Variants in DOCK1 observed in about 807,000 individuals in gnomAD.
The protein encoded by DOCK1 is dedicator of cytokinesis protein 1.
Under a neutral mutation model 262.7 loss-of-function variants are expected in DOCK1, and 138 were observed. That is an observed-to-expected ratio of 0.53 (90% CI 0.46 to 0.61). The LOEUF (loss-of-function observed/expected upper bound fraction) is 0.61. Among genes scored for constraint, DOCK1 ranks in the 20% least tolerant of loss-of-function variants. DOCK1 has a pLI of 0.00. For missense variants in DOCK1, 1,908 were observed against 2,370.7 expected (o/e 0.80, Z 4.05); for synonymous variants, 866 against 867.4 (o/e 1.00, Z 0.03).
At chr10:127,024,982 C>T (rs2042725015) in intron 15 of DOCK1, 199 bp downstream of exon 15, 7 of 455,106 alleles carry the variant, frequency 1.5e-5, no homozygotes, top group East Asian at 1.3e-4. Flanking sequence ...TCCTTTTGGA[C>T]GTAAAAATAG....
chr10:127,394,089 A>T (rs1403456613), intron 38 of DOCK1, among the ~76,000 whole-genome samples: 1 of 152,174 alleles, frequency 6.6e-6, no homozygotes, highest in Non-Finnish European at 1.5e-5. Context: ...ACTGAAAATT[A>T]CCAGGCTTCT....
intron 1 of DOCK1, among the ~76,000 whole-genome samples, chr10:126,965,941 A>G (rs1323876236): frequency 6.6e-6 from 1 of 152,166 alleles, no homozygotes; most frequent in Non-Finnish European, 1.5e-5. Flanking sequence ...CATCCTAAGG[A>G]GCTATAGATC....
chr10:127,281,018 T>C (rs2060943436), intron 29 of DOCK1, among the ~76,000 whole-genome samples: 1 of 152,228 alleles, frequency 6.6e-6, no homozygotes, highest in African/African-American at 2.4e-5. Context: ...ATTTAATATA[T>C]TTCCATTTAG....
intron 27 of DOCK1, among the ~76,000 whole-genome samples, chr10:127,198,440 T>C (rs1378551926): frequency 6.6e-6 from 1 of 152,228 alleles, no homozygotes; most frequent in African/African-American, 2.4e-5. Context: ...GGCTGAAGTT[T>C]TCCGGGACCA....
At chr10:127,181,867 T>A (rs917400466) in intron 27 of DOCK1, among the ~76,000 whole-genome samples, 5 of 152,244 alleles carry the variant, frequency 3.3e-5, no homozygotes, top group African/African-American at 1.2e-4. Context: ...CTGGAAGTCC[T>A]CTTTTCCTTG....
At chr10:126,911,852 T>G (rs910514865) in intron 1 of DOCK1, among the ~76,000 whole-genome samples, 6 of 152,228 alleles carry the variant, frequency 3.9e-5, no homozygotes, top group African/African-American at 1.4e-4. Flanking sequence ...TTCCTCAATT[T>G]GCTTTTATTG....
Position 126,951,913 on chromosome 10 carries a change from G to A in DOCK1, c.47-18789G>A, listed in dbSNP as rs955070206. Among the ~76,000 whole-genome samples, 485 of 149,488 alleles carry A rather than the reference G, an allele frequency of 3.2e-3. 7 individuals carry two copies. Among genetic ancestry groups the A allele is most frequent in the African/African-American group, 0.011 (453 of 40,538 alleles). On this transcript the variant is annotated intron_variant, in intron 1 of 51. Transcript: ENST00000623213. ...CACCCAGGCTGGAGTGCAGTGGTGC[G>A]ATCTCGGCTCACTGCAACCTCCGCC...
In DOCK1 at chr10:127,032,220, G is replaced by A. The variant is rs1243338287; in HGVS notation, c.1812G>A (p.Ser604=). The change falls in exon 18 of 52, where the codon TCG becomes TCA. Residue 604 remains serine (S), a synonymous_variant. Coordinates refer to ENST00000623213, the MANE Select transcript of DOCK1 (RefSeq NM_001290223.2). ...TKAELEEKGH[S]ATGKSMQSLG... is the part of the protein sequence containing the mutation. ...CAGAGTTGGAAGAAAAGGGCCACTC[G>A]GCCACCGGCAAGAGCATGCAGAGCC... 7.5e-6 allele frequency: 12 copies of A among 1,601,080 alleles called. No homozygotes were observed. The highest frequency in any genetic ancestry group is 6.9e-5 in the Admixed American group (4 of 58,178).
chr10:127,091,960 T>TA (rs1423023621), intron 23 of DOCK1, among the ~76,000 whole-genome samples: 1 of 152,162 alleles, frequency 6.6e-6, no homozygotes, highest in East Asian at 1.9e-4. Context: ...AATTTCAGGA[T>TA]AAAAAGAGCA....
chr10:127,042,674 CAG>C lies in DOCK1; in HGVS notation c.2065_2066del (p.Ser689Ter), dbSNP rs750562477. The C allele has an allele frequency of 6.2e-7, 1 of 1,614,152 alleles. No homozygotes were observed. The highest frequency in any genetic ancestry group is 8.5e-7 in the Non-Finnish European group (1 of 1,180,020). ...CTCTTCAACATCATGATGGAGAACT[CAG>C]AGAGTGAGACTTTTGACACGTTAGT... On this transcript the variant is annotated frameshift_variant, in exon 20 of 52. Coordinates refer to ENST00000623213, the MANE Select transcript of DOCK1 (RefSeq NM_001290223.2). LOFTEE classifies it high-confidence loss of function.
intron 32 of DOCK1, among the ~76,000 whole-genome samples, chr10:127,359,510 T>C (rs2064308149): frequency 1.3e-5 from 2 of 152,200 alleles, no homozygotes; most frequent in African/African-American, 4.8e-5. Flanking sequence ...GCTCTGACAT[T>C]TTTTAGGCAT....
intron 29 of DOCK1, among the ~76,000 whole-genome samples, chr10:127,323,738 T>C (rs775363394): frequency 2.6e-5 from 4 of 152,128 alleles, no homozygotes; most frequent in Admixed American, 1.3e-4. Context: ...CACCAGCAAA[T>C]TGGGGAGAGT....
chr10:126,993,186 A>T (rs1294047657), intron 6 of DOCK1, among the ~76,000 whole-genome samples: 1 of 152,226 alleles, frequency 6.6e-6, no homozygotes, highest in Non-Finnish European at 1.5e-5. Flanking sequence ...CAGGACGTGC[A>T]CAGCAGGCTG....
At chr10:127,052,958 ACTGTTG>A in intron 22 of DOCK1, 143 bp downstream of exon 22, 1 of 1,349,676 alleles carries the variant, frequency 7.4e-7, no homozygotes, top group Non-Finnish European at 9.9e-7. Flanking sequence ...CTGAGAGAGC[ACTGTTG>A]ATCCTGGGGT....
chr10:127,165,528 C>T (rs2053995962), intron 27 of DOCK1, among the ~76,000 whole-genome samples: 1 of 152,068 alleles, frequency 6.6e-6, no homozygotes, highest in African/African-American at 2.4e-5. Flanking sequence ...CATTTTTTCC[C>T]CCAGGATCTC....
At chr10:127,355,184 G>A (rs1173015895) in intron 32 of DOCK1, among the ~76,000 whole-genome samples, 2 of 111,952 alleles carry the variant, frequency 1.8e-5, no homozygotes, top group Admixed American at 8.5e-5. Flanking sequence ...TGCACTCAAA[G>A]CAGTGAAGGG....
intron 2 of DOCK1, 105 bp from the exon 3 acceptor site, chr10:126,977,843 A>G (rs2038663439): frequency 1.8e-6 from 2 of 1,088,312 alleles, no homozygotes; most frequent in South Asian, 1.4e-5. Flanking sequence ...TGACAAACTG[A>G]CCTCACTGGT....
intron 2 of DOCK1, among the ~76,000 whole-genome samples, chr10:126,974,444 G>A (rs977899987): frequency 6.6e-6 from 1 of 152,172 alleles, no homozygotes; most frequent in African/African-American, 2.4e-5. Flanking sequence ...TTTGGGACCT[G>A]TGTCTTGCCT....
chr10:127,398,999 G>A (rs770396737), intron 38 of DOCK1, among the ~76,000 whole-genome samples: 2 of 152,124 alleles, frequency 1.3e-5, no homozygotes, highest in Non-Finnish European at 2.9e-5. Context: ...TCTATTCATG[G>A]AACTTGAAGA....
Sources: allele counts gnomAD v4.1 joint callset (sites outside exome capture counted in the v4.1 genomes callset), GRCh38; gene constraint gnomAD v4.1.1; transcripts MANE v1.5; gene names NCBI Gene and HGNC (gene_info 2026-07-23, HGNC 2026-07-21).